The following HPS1 variants were observed in gnomAD, a reference collection of about 807,000 sequenced individuals.
The protein encoded by HPS1 is HPS1 biogenesis of lysosomal organelles complex 3 subunit 1, also known as BLOC-3 complex member HPS1.
HPS1 carries 59 observed loss-of-function variants against 90.6 expected under a neutral mutation model. The ratio of observed to expected loss-of-function variants is 0.65; its 90% confidence interval spans 0.53 to 0.81. The LOEUF (loss-of-function observed/expected upper bound fraction) is 0.81, where lower values mean the gene tolerates loss of function less well. HPS1 is among the 30% of genes least tolerant of loss of function. The pLI, the probability that HPS1 is intolerant of heterozygous loss-of-function variation, is 0.00. For missense variants in HPS1, 849 were observed against 896.7 expected (o/e 0.95, Z 0.68); for synonymous variants, 388 against 384.4 (o/e 1.01, Z -0.11).
At chr10:98,423,379 T>C (rs1354501302) in intron 16 of HPS1, among the ~76,000 whole-genome samples, 1 of 149,720 alleles carries the variant, frequency 6.7e-6, no homozygotes, top group Non-Finnish European at 1.5e-5. Context: ...TGAATTAACT[T>C]TGGGACAGGA....
Position 98,435,458 on chromosome 10 carries a change from T to C in HPS1, c.256-44A>G, listed in dbSNP as rs1329202916. 1.9e-6 allele frequency: 3 copies of C among 1,613,354 alleles called. No individual in the cohort carries two copies. The Admixed American group carries it at 5.0e-5, about 27-fold the overall frequency. On this transcript the variant is annotated intron_variant, in intron 4 of 19. Coordinates refer to ENST00000361490, the MANE Select transcript of HPS1 (RefSeq NM_000195.5). The surrounding 1 kb of genome is among the most constrained non-coding windows in gnomAD (Gnocchi z 4.3). ...CAGTGTCAGCCAGCCCCAAGGGCAC[T>C]CCCTTCACCTGCCCTGGTCTCTGCA... is the stretch of plus-strand genomic sequence containing the variant.
At chr10:98,439,886 A>G (rs1174467228) in intron 3 of HPS1, among the ~76,000 whole-genome samples, 1 of 152,166 alleles carries the variant, frequency 6.6e-6, no homozygotes, top group Non-Finnish European at 1.5e-5. Context: ...GGTGGAGGTA[A>G]TTGAATCATG....
chr10:98,443,308 G>A (rs1455332671), intron 2 of HPS1, 68 bp from the exon 3 acceptor site: 21 of 1,143,580 alleles, frequency 1.8e-5, no homozygotes, highest in African/African-American at 3.0e-5. Flanking sequence ...TCTGAGTAAC[G>A]AAGAGGACCC....
intron 13 of HPS1, among the ~76,000 whole-genome samples, chr10:98,424,837 AGGCACTGCGGGATGT>A (rs1244063996): frequency 2.6e-5 from 4 of 152,122 alleles, no homozygotes; most frequent in African/African-American, 9.7e-5. Context: ...GGACACCCTG[AGGCACTGCGGGATGT>A]GGCACTGCCT....
chr10:98,443,690 G>A (rs965917485), intron 2 of HPS1, among the ~76,000 whole-genome samples: 16 of 151,352 alleles, frequency 1.1e-4, no homozygotes, highest in African/African-American at 3.4e-4. Context: ...GGAGGGCACT[G>A]GTGCACCTCC....
chr10:98,428,674 T>C (rs1427111858), intron 10 of HPS1, among the ~76,000 whole-genome samples: 4 of 150,438 alleles, frequency 2.7e-5, no homozygotes, highest in Admixed American at 2.6e-4. Flanking sequence ...TTCCATCAGA[T>C]GATGTGGAGG....
At chr10:98,429,312 A>G in intron 10 of HPS1, 1 of 1,408,004 alleles carries the variant, frequency 7.1e-7, no homozygotes, top group Non-Finnish European at 9.3e-7. Flanking sequence ...CTGAGAATGC[A>G]TGTACAGAAG....
chr10:98,440,467 T>C (rs192767530), intron 3 of HPS1, among the ~76,000 whole-genome samples: 1 of 152,206 alleles, frequency 6.6e-6, no homozygotes, highest in Admixed American at 6.5e-5. Context: ...TTAAGAATTA[T>C]GCTTCTGAGA....
At chr10:98,415,308 G>A (rs1010012043), downstream of HPS1, 15 of 826,808 alleles carry the variant, frequency 1.8e-5, no homozygotes, top group Non-Finnish European at 2.7e-5. Flanking sequence ...TGCTGCCCTG[G>A]GGCTGTGCTG....
chr10:98,429,499 C>A, intron 10 of HPS1, 74 bp downstream of exon 10: 1 of 1,611,926 alleles, frequency 6.2e-7, no homozygotes, highest in African/African-American at 1.3e-5. Flanking sequence ...CCACTGGAGC[C>A]TAAGACAGAT....
At chr10:98,418,657 G>A (rs758682811) in intron 18 of HPS1, among the ~76,000 whole-genome samples, 1 of 152,256 alleles carries the variant, frequency 6.6e-6, no homozygotes, top group Non-Finnish European at 1.5e-5. Flanking sequence ...AAGATCTGCT[G>A]GACGTGCCGT....
intron 11 of HPS1, among the ~76,000 whole-genome samples, chr10:98,426,622 A>C (rs12570988): frequency 0.044 from 6,683 of 152,310 alleles, 348 homozygotes; most frequent in African/African-American, 0.12. Context: ...GTGATGGACT[A>C]CCAATCATTA....
chr10:98,437,938 T>G (rs1219824489), intron 3 of HPS1, among the ~76,000 whole-genome samples: 1 of 152,188 alleles, frequency 6.6e-6, no homozygotes, highest in Non-Finnish European at 1.5e-5. Context: ...CAACTTGTTC[T>G]CATGAAAATG....
At chr10:98,424,548 G>A (rs1845344531) in intron 13 of HPS1, among the ~76,000 whole-genome samples, 174 bp from the exon 14 acceptor site, 1 of 151,556 alleles carries the variant, frequency 6.6e-6, no homozygotes, top group African/African-American at 2.4e-5. Context: ...AGACTTCAGT[G>A]TGCCATGTTC....
At chr10:98,427,387 G>A (rs533088124) in intron 10 of HPS1, 123 bp from the exon 11 acceptor site, 17 of 776,256 alleles carry the variant, frequency 2.2e-5, no homozygotes, top group Middle Eastern at 2.8e-4. Context: ...CCAGCTCCAC[G>A]CAGGGGTGCT....
At chr10:98,418,017 C>T (rs1354004471) in intron 19 of HPS1, 158 bp downstream of exon 19, 2 of 657,502 alleles carry the variant, frequency 3.0e-6, no homozygotes, top group Admixed American at 2.5e-5. Flanking sequence ...CACCCGTCCT[C>T]CCTCGCTGCA....
chr10:98,415,300 C>T (rs1843977563), downstream of HPS1: 17 of 977,510 alleles, frequency 1.7e-5, no homozygotes, highest in Non-Finnish European at 2.5e-5. Context: ...CAGCCTCCTG[C>T]TGCCCTGGGG....
intron 10 of HPS1, among the ~76,000 whole-genome samples, chr10:98,428,511 T>A (rs12570544): frequency 0.045 from 6,805 of 152,182 alleles, 363 homozygotes; most frequent in African/African-American, 0.12. Context: ...CACACCTGGG[T>A]CCCAGGCCCA....
At chr10:98,424,508 C>T (rs1352859217) in intron 13 of HPS1, 134 bp from the exon 14 acceptor site, 1 of 769,338 alleles carries the variant, frequency 1.3e-6, no homozygotes, top group African/African-American at 1.7e-5. Flanking sequence ...CCAATGCAGG[C>T]TACCCTGGCA....
Sources: gnomAD v4.1 joint callset for allele counts (sites outside exome capture counted in the v4.1 genomes callset) on GRCh38, gnomAD v4.1.1 for gene constraint, Gnocchi (gnomAD v3.1) non-coding constraint, MANE v1.5 for transcripts, NCBI Gene and HGNC (gene_info 2026-07-23, HGNC 2026-07-21) for gene names.